Variants in CHCHD3 observed in about 807,000 individuals in gnomAD.
CHCHD3 encodes coiled-coil-helix-coiled-coil-helix domain containing 3.
In CHCHD3, 20 loss-of-function variants were observed where a neutral mutation model predicts 38.2. The observed-to-expected ratio is 0.52, with a 90% CI of 0.37 to 0.76. CHCHD3 has a LOEUF of 0.76. CHCHD3 is among the 30% of genes least tolerant of loss of function. CHCHD3 has a pLI of 0.00. For synonymous variants in CHCHD3, 82 were observed against 100.0 expected, an observed-to-expected ratio of 0.82 and a Z score of 1.07; for missense variants, 245 against 279.2, an observed-to-expected ratio of 0.88 and a Z score of 0.87.
rs1398311476 is a variant in CHCHD3, at chr7:132,923,073, T to C, written c.370-37328A>G. On this transcript the variant is annotated intron_variant, in intron 4 of 7. Coordinates refer to ENST00000262570, the MANE Select transcript of CHCHD3 (RefSeq NM_017812.4). The stretch of plus-strand genomic sequence containing the variant: ...ATAGGAATTCAAGACAATCAGAATA[T>C]TGTCTTGCTCTTATAGGCACAAAGC... Among the ~76,000 whole-genome samples, 4 of 152,280 alleles carry C rather than the reference T, an allele frequency of 2.6e-5. No individual in the cohort carries two copies. The East Asian group carries it at 7.7e-4, about 29-fold the overall frequency.
chr7:133,029,059 A>G (rs554275374), intron 2 of CHCHD3, among the ~76,000 whole-genome samples: 132 of 152,224 alleles, frequency 8.7e-4, no homozygotes, highest in African/African-American at 3.0e-3. Flanking sequence ...CCTCCATAAC[A>G]TTAAGTAACA....
chr7:132,900,819 C>T (rs922410195), intron 4 of CHCHD3, among the ~76,000 whole-genome samples: 3 of 151,978 alleles, frequency 2.0e-5, no homozygotes, highest in Non-Finnish European at 4.4e-5. Flanking sequence ...GGTGAAACCC[C>T]GTCTCTACTA....
chr7:133,020,858 G>T (rs746293211), intron 3 of CHCHD3, among the ~76,000 whole-genome samples: 6 of 151,892 alleles, frequency 4.0e-5, no homozygotes, highest in Non-Finnish European at 8.8e-5. Flanking sequence ...TAAATCCAAT[G>T]TGGGCTGGTT....
intron 2 of CHCHD3, among the ~76,000 whole-genome samples, chr7:133,038,042 A>AT (rs369679891): frequency 6.6e-6 from 1 of 152,330 alleles, no homozygotes; most frequent in African/African-American, 2.4e-5. Context: ...AATCATGAAC[A>AT]TTACATAGTA....
intron 6 of CHCHD3, among the ~76,000 whole-genome samples, chr7:132,829,544 A>T (rs1807588036): frequency 6.6e-6 from 1 of 152,172 alleles, no homozygotes; most frequent in African/African-American, 2.4e-5. Flanking sequence ...GAATGGTTTG[A>T]TCATTTACAT....
At chr7:132,822,815 C>G (rs372669763) in intron 6 of CHCHD3, among the ~76,000 whole-genome samples, 1 of 147,392 alleles carries the variant, frequency 6.8e-6, no homozygotes, top group African/African-American at 2.6e-5. Context: ...ACCGCGCCCC[C>G]CACCAAAAAC....
chr7:133,012,703 G>A (rs1043892647), intron 3 of CHCHD3, among the ~76,000 whole-genome samples: 2 of 151,404 alleles, frequency 1.3e-5, no homozygotes, highest in African/African-American at 4.9e-5. Context: ...GACAGAGGGT[G>A]CAATGGGCTG....
chr7:132,997,147 G>C (rs1271003423), intron 3 of CHCHD3, among the ~76,000 whole-genome samples: 1 of 152,162 alleles, frequency 6.6e-6, no homozygotes, highest in Non-Finnish European at 1.5e-5. Context: ...CTGCCAGCAG[G>C]AATTCACTAT....
At chr7:132,892,007 C>A (rs1809374431) in intron 4 of CHCHD3, among the ~76,000 whole-genome samples, 1 of 152,140 alleles carries the variant, frequency 6.6e-6, no homozygotes, top group Non-Finnish European at 1.5e-5. Flanking sequence ...TATAAATTAA[C>A]TACTCTTGGG....
At chr7:132,819,841 C>T (rs755870977) in intron 6 of CHCHD3, among the ~76,000 whole-genome samples, 5 of 152,174 alleles carry the variant, frequency 3.3e-5, no homozygotes, top group Non-Finnish European at 5.9e-5. Context: ...GGCTGTGCTG[C>T]GGGGGCAGCG....
chr7:132,797,351 T>C (rs540844298), intron 6 of CHCHD3, among the ~76,000 whole-genome samples: 1 of 152,304 alleles, frequency 6.6e-6, no homozygotes, highest in African/African-American at 2.4e-5. Flanking sequence ...ACTCATCCTT[T>C]GATACTTCAC....
intron 5 of CHCHD3, among the ~76,000 whole-genome samples, chr7:132,875,843 T>A (rs1471197962): frequency 1.3e-5 from 2 of 152,254 alleles, no homozygotes; most frequent in African/African-American, 4.8e-5. Flanking sequence ...GTTCCCTTCA[T>A]TAAATGCCAA....
chr7:132,809,414 C>G (rs1807010336), intron 6 of CHCHD3, among the ~76,000 whole-genome samples: 2 of 152,102 alleles, frequency 1.3e-5, no homozygotes, highest in Middle Eastern at 3.4e-3. Context: ...GTCTATCTGC[C>G]TCAGCTGCCT....
intron 4 of CHCHD3, among the ~76,000 whole-genome samples, chr7:132,892,633 A>G (rs972818102): frequency 2.8e-4 from 42 of 152,192 alleles, no homozygotes. Context: ...TCGTAGGTCC[A>G]GAGGCCTAGG....
At chr7:133,045,343 G>A (rs2117488843) in intron 2 of CHCHD3, among the ~76,000 whole-genome samples, 1 of 152,238 alleles carries the variant, frequency 6.6e-6, no homozygotes, top group South Asian at 2.1e-4. Flanking sequence ...GGAGAGACAT[G>A]CCATTTCAGT....
chr7:132,882,687 T>C (rs1254764293), intron 5 of CHCHD3, among the ~76,000 whole-genome samples: 3 of 152,030 alleles, frequency 2.0e-5, no homozygotes, highest in African/African-American at 7.2e-5. Flanking sequence ...AATGGGAGAA[T>C]ATTTTTCAGT....
intron 4 of CHCHD3, among the ~76,000 whole-genome samples, chr7:132,893,544 T>G (rs1385239231): frequency 6.6e-6 from 1 of 152,180 alleles, no homozygotes; most frequent in African/African-American, 2.4e-5. Context: ...TTTTGAAATG[T>G]AAAAAGAATC....
At chr7:132,849,023 A>G (rs978284579) in intron 5 of CHCHD3, 1 of 152,220 alleles carries the variant, frequency 6.6e-6, no homozygotes, top group African/African-American at 2.4e-5. Flanking sequence ...TGAAAGGTAC[A>G]CTAAGGAATG....
At chr7:132,936,759 T>G (rs1810641789) in intron 4 of CHCHD3, among the ~76,000 whole-genome samples, 1 of 152,208 alleles carries the variant, frequency 6.6e-6, no homozygotes, top group East Asian at 1.9e-4. Context: ...CTGGTCTTGA[T>G]AAAACGTGCT....
Sources: allele counts gnomAD v4.1 joint callset (sites outside exome capture counted in the v4.1 genomes callset), GRCh38; gene constraint gnomAD v4.1.1; transcripts MANE v1.5; gene names NCBI Gene and HGNC (gene_info 2026-07-23, HGNC 2026-07-21).